The following ARB2A variants were observed in gnomAD, a reference collection of about 807,000 sequenced individuals.
ARB2A encodes ARB2 cotranscriptional regulator A.
At chr5:93,798,425 AGTGG>A in the ARB2A span, among the ~76,000 whole-genome samples, 1 of 152,076 alleles carries the variant, frequency 6.6e-6, no homozygotes. Flanking sequence ...TCAGTCTGGG[AGTGG>A]GTGGGTTAGA....
At chr5:93,818,942 C>T in the ARB2A span, among the ~76,000 whole-genome samples, 3 of 152,006 alleles carry the variant, frequency 2.0e-5, no homozygotes, top group East Asian at 5.8e-4. Flanking sequence ...AATCCCAGCA[C>T]TTTGGGAGGC....
the ARB2A span, among the ~76,000 whole-genome samples, chr5:93,814,222 C>A: frequency 6.6e-6 from 1 of 152,136 alleles, no homozygotes; most frequent in Non-Finnish European, 1.5e-5. Context: ...AATAAATCTA[C>A]AATCAACAAC....
At chr5:94,054,465 T>C in the ARB2A span, among the ~76,000 whole-genome samples, 1 of 152,142 alleles carries the variant, frequency 6.6e-6, no homozygotes, top group Admixed American at 6.5e-5. Context: ...ATGATTAGAC[T>C]AGGGTTATGA....
chr5:93,839,717 T>C, the ARB2A span, among the ~76,000 whole-genome samples: 1 of 152,096 alleles, frequency 6.6e-6, no homozygotes, highest in African/African-American at 2.4e-5. Context: ...ATTATTGGTC[T>C]GTTCGAGGAT....
chr5:94,066,254 A>C, the ARB2A span, among the ~76,000 whole-genome samples: 1 of 152,142 alleles, frequency 6.6e-6, no homozygotes, highest in South Asian at 2.1e-4. Context: ...GAAAGATTTC[A>C]AATAATCTAA....
chr5:94,002,999 C>A, the ARB2A span, among the ~76,000 whole-genome samples: 1 of 152,070 alleles, frequency 6.6e-6, no homozygotes, highest in Non-Finnish European at 1.5e-5. Flanking sequence ...TCCTTAGTAT[C>A]TTTACAATCA....
the ARB2A span, among the ~76,000 whole-genome samples, chr5:93,714,947 T>C: frequency 6.6e-6 from 1 of 152,212 alleles, no homozygotes; most frequent in African/African-American, 2.4e-5. Flanking sequence ...ATTTCCCATA[T>C]GGCACATCAG....
At chr5:93,851,589 G>A in the ARB2A span, among the ~76,000 whole-genome samples, 5 of 152,180 alleles carry the variant, frequency 3.3e-5, no homozygotes, top group African/African-American at 1.2e-4. Flanking sequence ...ATCTCCTAAA[G>A]CTATCCCTCC....
chr5:93,842,083 G>T, the ARB2A span, among the ~76,000 whole-genome samples: 1 of 152,154 alleles, frequency 6.6e-6, no homozygotes, highest in Non-Finnish European at 1.5e-5. Context: ...TGTTTCAATT[G>T]TTAGGAAATT....
the ARB2A span, among the ~76,000 whole-genome samples, chr5:94,068,063 G>T: frequency 6.6e-6 from 1 of 152,180 alleles, no homozygotes; most frequent in Non-Finnish European, 1.5e-5. Context: ...TTACCGGCAG[G>T]TCTTTTTTCT....
the ARB2A span, among the ~76,000 whole-genome samples, chr5:93,624,166 G>A: frequency 6.6e-6 from 1 of 152,036 alleles, no homozygotes; most frequent in African/African-American, 2.4e-5. Flanking sequence ...TACATTATTT[G>A]TTCATAAAAG....
At chr5:94,076,168 T>C in the ARB2A span, among the ~76,000 whole-genome samples, 1 of 152,152 alleles carries the variant, frequency 6.6e-6, no homozygotes, top group Admixed American at 6.5e-5. Flanking sequence ...GGTTTCTTCA[T>C]TTACGAAATG....
the ARB2A span, among the ~76,000 whole-genome samples, chr5:93,808,175 G>T: frequency 1.4e-4 from 22 of 151,984 alleles, no homozygotes; most frequent in Admixed American, 8.5e-4. Flanking sequence ...CATACTGCCC[G>T]CGAATTCTTA....
chr5:93,745,682 T>G, the ARB2A span, among the ~76,000 whole-genome samples: 1 of 151,966 alleles, frequency 6.6e-6, no homozygotes, highest in East Asian at 1.9e-4. Context: ...AAAAAAAATT[T>G]TTTTTCTTTT....
the ARB2A span, among the ~76,000 whole-genome samples, chr5:93,642,250 G>C: frequency 6.6e-6 from 1 of 151,544 alleles, no homozygotes; most frequent in South Asian, 2.1e-4. Context: ...ATCCAGGCTG[G>C]AGTGCAGTGA....
the ARB2A span, among the ~76,000 whole-genome samples, chr5:93,963,416 T>TA: frequency 6.6e-6 from 1 of 151,956 alleles, no homozygotes; most frequent in South Asian, 2.1e-4. Context: ...GTCCATCACC[T>TA]AAAAAACATT....
chr5:93,691,634 C>T, the ARB2A span, among the ~76,000 whole-genome samples: 1 of 152,016 alleles, frequency 6.6e-6, no homozygotes, highest in African/African-American at 2.4e-5. Flanking sequence ...AATTCCCCAA[C>T]TAGCAAGACA....
chr5:93,907,257 A>T, the ARB2A span, among the ~76,000 whole-genome samples: 1 of 151,576 alleles, frequency 6.6e-6, no homozygotes, highest in African/African-American at 2.4e-5. Flanking sequence ...TCTGTAACTC[A>T]TAAGACATTA....
chr5:93,650,825 TAA>T, the ARB2A span, among the ~76,000 whole-genome samples: 24 of 127,440 alleles, frequency 1.9e-4, no homozygotes, highest in South Asian at 2.5e-4. Context: ...CTTTCTCTAC[TAA>T]AAAAAAAAAA....
Sources: allele counts gnomAD v4.1 joint callset (sites outside exome capture counted in the v4.1 genomes callset), GRCh38; gene constraint gnomAD v4.1.1; transcripts MANE v1.5; gene names NCBI Gene and HGNC (gene_info 2026-07-23, HGNC 2026-07-21).